The following GLYR1 variants were observed in gnomAD, a reference collection of about 807,000 sequenced individuals.
GLYR1 encodes cytokine-like nuclear factor N-PAC.
Under a neutral mutation model 72.7 loss-of-function variants are expected in GLYR1, and 21 were observed. The ratio of observed to expected loss-of-function variants is 0.29; its 90% CI spans 0.20 to 0.42. GLYR1 has a LOEUF of 0.42. Ranked by LOEUF, GLYR1 falls within the 10% of genes least tolerant of loss-of-function variation. The probability of loss-of-function intolerance (pLI) is 1.00; values close to 1 mark genes in which losing one functional copy is unlikely to be tolerated. For missense variants in GLYR1, 594 were observed against 712.1 expected (o/e 0.83, Z 1.89); for synonymous variants, 392 against 270.2 (o/e 1.45, Z -4.42).
At chr16:4,812,028 T>A in intron 13 of GLYR1, 58 bp downstream of exon 13, 1 of 1,573,774 alleles carries the variant, frequency 6.4e-7, no homozygotes, top group Non-Finnish European at 8.6e-7. Context: ...CTGTCATCAG[T>A]GTGAAACAGA....
chr16:4,834,071 AAAT>A (rs1199073269), intron 3 of GLYR1, among the ~76,000 whole-genome samples: 1 of 152,154 alleles, frequency 6.6e-6, no homozygotes, highest in African/African-American at 2.4e-5. Flanking sequence ...TTGCACATAA[AAAT>A]AATGTTACTA....
intron 13 of GLYR1, 73 bp downstream of exon 13, chr16:4,812,013 T>C: frequency 6.5e-7 from 1 of 1,544,554 alleles, no homozygotes; most frequent in Non-Finnish European, 8.7e-7. Context: ...CGTGTGGGAC[T>C]GACGCTGTCA....
At chr16:4,831,576 G>C (rs945520042) in intron 5 of GLYR1, among the ~76,000 whole-genome samples, 1 of 152,230 alleles carries the variant, frequency 6.6e-6, no homozygotes, top group Non-Finnish European at 1.5e-5. Context: ...GCCAGCCCTT[G>C]TGCACCGGCT....
intron 5 of GLYR1, among the ~76,000 whole-genome samples, chr16:4,825,247 A>C (rs2084304407): frequency 1.3e-5 from 2 of 152,104 alleles, no homozygotes; most frequent in African/African-American, 4.8e-5. Context: ...GGGTCTTGCA[A>C]GTTCTGCCGT....
At chr16:4,847,195 C>T (rs767001262) in intron 1 of GLYR1, 33 bp downstream of exon 1, 2 of 1,583,128 alleles carry the variant, frequency 1.3e-6, no homozygotes, top group Non-Finnish European at 1.7e-6. Context: ...AGCTCCCCGG[C>T]GCGTCTCGGT....
chr16:4,841,344 G>A (rs1047920772), intron 3 of GLYR1, among the ~76,000 whole-genome samples: 13 of 151,206 alleles, frequency 8.6e-5, no homozygotes, highest in African/African-American at 1.7e-4. Flanking sequence ...ATCGGGGCTC[G>A]GCGCTGTGGC....
chr16:4,804,901 T>G lies in GLYR1; in HGVS notation c.*335A>C. 1 of 326,406 alleles carries G rather than the reference T, an allele frequency of 3.1e-6. No homozygotes were observed. The highest frequency in any genetic ancestry group is 5.8e-6 in the Non-Finnish European group (1 of 172,558). 20.2% of individuals were successfully genotyped at this position (326,406 alleles called of 1,614,324 possible). On this transcript the variant is annotated 3_prime_UTR_variant, in exon 16 of 16. Transcript: ENST00000321919. ...CGGAAGAAAAAAAGCCAGGCAGCAG[T>G]TTCTGGGCAGCTTCTATCCTGGGGC...
At chr16:4,816,589 G>C (rs972371278) in intron 10 of GLYR1, among the ~76,000 whole-genome samples, 7 of 151,838 alleles carry the variant, frequency 4.6e-5, no homozygotes, top group Non-Finnish European at 1.0e-4. Context: ...TTGTTGGGGA[G>C]TATTATCAAA....
At position 4,811,201 on chromosome 16, in the gene GLYR1, T is replaced by A. The variant is rs1442136893; in HGVS notation, c.1556A>T (p.His519Leu). Reference protein sequence around the residue: ...LAIALGDAVNHPTPMAAAANE... With the variant: ...LAIALGDAVNLPTPMAAAANE... ...TGCTGCAGCTGCCATGGGAGTCGGA[T>A]GGTTGACCGCATCACCCAGCGCAAT... The change falls in exon 15 of 16, where the codon CAT becomes CTT. Residue 519 changes from histidine (H) to leucine (L), a missense_variant. Transcript: ENST00000321919. The A allele has an allele frequency of 6.2e-7, 1 of 1,613,986 alleles. No homozygotes were observed. Among genetic ancestry groups the A allele is most frequent in the Non-Finnish European group, 8.5e-7 (1 of 1,180,012 alleles).
intron 12 of GLYR1, among the ~76,000 whole-genome samples, chr16:4,813,206 G>A (rs914407653): frequency 2.6e-5 from 4 of 151,912 alleles, no homozygotes; most frequent in Non-Finnish European, 4.4e-5. Flanking sequence ...CTCGTGATCC[G>A]CCCACCTCGG....
intron 15 of GLYR1, among the ~76,000 whole-genome samples, chr16:4,810,699 TAAAAAAAAAA>T (rs551202037): frequency 4.6e-4 from 10 of 21,812 alleles, no homozygotes; most frequent in Admixed American, 1.4e-3. Context: ...CTGTCTCTAC[TAAAAAAAAAA>T]AAAAAAAAAA....
At chr16:4,837,807 T>C (rs900783613) in intron 3 of GLYR1, among the ~76,000 whole-genome samples, 1 of 152,054 alleles carries the variant, frequency 6.6e-6, no homozygotes, top group Non-Finnish European at 1.5e-5. Flanking sequence ...GGCATGCGCC[T>C]GTAATCCCAG....
At chr16:4,826,927 G>A (rs147503464) in intron 5 of GLYR1, among the ~76,000 whole-genome samples, 215 of 152,324 alleles carry the variant, frequency 1.4e-3, no homozygotes, top group African/African-American at 4.4e-3. Flanking sequence ...TGGCACTAAG[G>A]AAGGGCCCCA....
intron 11 of GLYR1, among the ~76,000 whole-genome samples, chr16:4,814,326 G>T (rs1383693637): frequency 1.3e-5 from 2 of 152,334 alleles, no homozygotes; most frequent in South Asian, 2.1e-4. Flanking sequence ...AGACTTCAAG[G>T]GCCCTAGTAG....
chr16:4,827,055 T>A (rs2084425822), intron 5 of GLYR1, among the ~76,000 whole-genome samples: 1 of 152,204 alleles, frequency 6.6e-6, no homozygotes, highest in South Asian at 2.1e-4. Context: ...AGAGGGTAGG[T>A]GGGCGCTGCT....
intron 11 of GLYR1, 35 bp downstream of exon 11, chr16:4,814,502 C>T: frequency 6.6e-7 from 1 of 1,513,300 alleles, no homozygotes; most frequent in Non-Finnish European, 9.2e-7. Flanking sequence ...CTGGCTGTGA[C>T]CCGGAGTTGC....
In GLYR1 at chr16:4,812,178, C is replaced by A; in HGVS notation, c.1190G>T (p.Gly397Val). The A allele has an allele frequency of 6.2e-7, 1 of 1,614,182 alleles. No individual in the cohort carries two copies. The highest frequency in any genetic ancestry group is 8.5e-7 in the Non-Finnish European group (1 of 1,180,044). The part of the protein sequence containing the change: ...VSGNQQLSND[G>V]MLVILAAGDR... ...TCCAGCCGCTAAGATCACCAACATCCCGTCATTAGACAGCTGCTGATTCCC... is the reference window on the plus strand; with the variant it reads ...TCCAGCCGCTAAGATCACCAACATCACGTCATTAGACAGCTGCTGATTCCC... Residue 397 changes from glycine to valine, a missense_variant, in exon 13 of 16, where the codon GGG (glycine) becomes GTG (valine). This residue lies in a region of GLYR1 where 266 missense variants were observed against 358.4 expected (regional missense o/e 0.74). Transcript: ENST00000321919.
intron 3 of GLYR1, among the ~76,000 whole-genome samples, chr16:4,836,532 G>C (rs1786453375): frequency 6.6e-6 from 1 of 152,188 alleles, no homozygotes; most frequent in African/African-American, 2.4e-5. Context: ...GACACATTGT[G>C]ATAGTAAATA....
At chr16:4,810,924 G>A (rs537380391) in intron 15 of GLYR1, among the ~76,000 whole-genome samples, 8 of 151,906 alleles carry the variant, frequency 5.3e-5, no homozygotes, top group East Asian at 1.9e-4. Flanking sequence ...GAACAACAAG[G>A]AGAAACCCCA....
Sources: gnomAD v4.1 joint callset for allele counts (sites outside exome capture counted in the v4.1 genomes callset) on GRCh38, gnomAD v4.1.1 for gene constraint, gnomAD v4.1.1 regional missense constraint, MANE v1.5 for transcripts, NCBI Gene and HGNC (gene_info 2026-07-23, HGNC 2026-07-21) for gene names.